The following HFE variants were observed in gnomAD, a reference collection of about 807,000 sequenced individuals.
The protein encoded by HFE is homeostatic iron regulator.
Under a neutral mutation model 40.9 loss-of-function variants are expected in HFE, and 36 were observed. That is an observed-to-expected ratio of 0.88 (90% confidence interval 0.67 to 1.16). The LOEUF (loss-of-function observed/expected upper bound fraction) is 1.16, where lower values mean the gene tolerates loss of function less well. Among genes scored for constraint, HFE ranks in the 50% most tolerant of loss-of-function variants. HFE has a pLI of 0.00. For missense variants in HFE, 376 were observed against 432.0 expected, an observed-to-expected ratio of 0.87 and a Z score of 1.15; for synonymous variants, 157 against 165.4, an observed-to-expected ratio of 0.95 and a Z score of 0.39.
Position 26,096,561 on chromosome 6 carries a change from C to T in HFE, c.*2335C>T, listed in dbSNP as rs1763048269. ...GGCAGGTGCTTCAGGATACCATATA[C>T]AGCTCAGAAGTTTCTTCTTTAGGCA... is the stretch of plus-strand genomic sequence containing the variant. On this transcript the variant is annotated 3_prime_UTR_variant, in exon 6 of 6. Coordinates refer to ENST00000357618, the MANE Select transcript of HFE (RefSeq NM_000410.4). 2.2e-6 allele frequency: 1 copy of T among 456,364 alleles called. No homozygotes were observed. The highest frequency in any genetic ancestry group is 2.0e-5 in the African/African-American group (1 of 50,074). 28.3% of individuals were successfully genotyped at this position (456,364 alleles called of 1,614,324 possible).
rs1762931322 is a variant in HFE, at chr6:26,094,520, A to T, written c.*294A>T. The T allele has an allele frequency of 5.7e-6, 4 of 699,676 alleles. No homozygotes were observed. Among genetic ancestry groups the T allele is most frequent in the African/African-American group, 5.3e-5 (3 of 57,024 alleles). 43.3% of individuals were successfully genotyped at this position (699,676 alleles called of 1,614,324 possible). ...CTTCATTTCCTCCGTCACCTCAGAGACATACACCTATGTCATTTCATTTCC... is the reference window on the plus strand; with the variant it reads ...CTTCATTTCCTCCGTCACCTCAGAGTCATACACCTATGTCATTTCATTTCC... On this transcript the variant is annotated 3_prime_UTR_variant, in exon 6 of 6. Coordinates refer to ENST00000357618, the MANE Select transcript of HFE (RefSeq NM_000410.4).
At chr6:26,091,642 G>T in intron 3 of HFE, 53 bp downstream of exon 3, 1 of 1,592,708 alleles carries the variant, frequency 6.3e-7, no homozygotes, top group South Asian at 1.1e-5. Context: ...AGTGGAGGAG[G>T]TTGCAGGGCA....
At chr6:26,087,680 C>G (rs924784199) in intron 1 of HFE, among the ~76,000 whole-genome samples, 164 bp downstream of exon 1, 1 of 152,200 alleles carries the variant, frequency 6.6e-6, no homozygotes, top group Non-Finnish European at 1.5e-5. Flanking sequence ...TGAGGGAGTG[C>G]CTACCACTGA....
In HFE at chr6:26,090,869, G is replaced by C. The variant is rs1762646707; in HGVS notation, c.105G>C (p.Met35Ile). The change falls in exon 2 of 6, where the codon ATG (methionine) becomes ATC (isoleucine). Residue 35 changes from methionine to isoleucine, a missense_variant. Met to Ile is a conservative substitution (Grantham distance 10). This residue lies in a region of HFE where 200 missense variants were observed against 228.5 expected (regional missense o/e 0.88). Coordinates refer to ENST00000357618, the MANE Select transcript of HFE (RefSeq NM_000410.4). ...LRSHSLHYLF[M>I]GASEQDLGLS... is the part of the protein sequence containing the mutation. ...CACACTCTCTGCACTACCTCTTCAT[G>C]GGTGCCTCAGAGCAGGACCTTGGTC... 2.5e-6 allele frequency: 4 copies of C among 1,614,040 alleles called. No individual in the cohort carries two copies. Among genetic ancestry groups the C allele is most frequent in the Non-Finnish European group, 3.4e-6 (4 of 1,180,010 alleles).
rs558896899 is a variant in HFE, at chr6:26,094,396, C to G, written c.*170C>G. ...TGTTCATTTCCTCAAAAAGATTTCCCCATTTAGGTTTCTGAGTTCCTGCAT... is the reference window on the plus strand; with the variant it reads ...TGTTCATTTCCTCAAAAAGATTTCCGCATTTAGGTTTCTGAGTTCCTGCAT... On this transcript the variant is annotated 3_prime_UTR_variant, in exon 6 of 6. Coordinates refer to ENST00000357618, the MANE Select transcript of HFE (RefSeq NM_000410.4). 469 of 735,866 alleles carry G rather than the reference C, an allele frequency of 6.4e-4. 10 individuals are homozygous for G. Among genetic ancestry groups the G allele is most frequent in the South Asian group, 3.8e-3 (258 of 68,250 alleles). The allele number at this position is 735,866 out of a possible 1,614,324, so 45.6% of individuals were successfully genotyped here. A position where few individuals can be genotyped will look rare whatever the true frequency, so the allele number is the denominator to read the frequency against.
chr6:26,089,488 C>T (rs1762525935), intron 1 of HFE, among the ~76,000 whole-genome samples: 1 of 151,962 alleles, frequency 6.6e-6, no homozygotes, highest in Admixed American at 6.6e-5. Context: ...ATGAAGGGAG[C>T]AACAGTAAAA....
Position 26,091,363 on chromosome 6 carries a change from C to T in HFE, c.390C>T (p.Asn130=), listed in dbSNP as rs1438910999. The T allele has an allele frequency of 1.2e-6, 2 of 1,614,062 alleles. No homozygotes were observed. Among genetic ancestry groups the T allele is most frequent in the Non-Finnish European group, 1.7e-6 (2 of 1,180,038 alleles). The change falls in exon 3 of 6, where the codon AAC becomes AAT. Residue 130 remains asparagine, a synonymous_variant. Transcript: ENST00000357618. ...VILGCEMQED[N]STEGYWKYGY... The stretch of plus-strand genomic sequence containing the variant: ...TGGGCTGTGAAATGCAAGAAGACAA[C>T]AGTACCGAGGGCTACTGGAAGTACG...
Position 26,091,109 on chromosome 6 carries a change from G to T in HFE, c.340+5G>T. 3 of 1,614,192 alleles carry T rather than the reference G, an allele frequency of 1.9e-6. No homozygotes were observed. The Middle Eastern group carries it at 4.9e-4, about 266-fold the overall frequency. The stretch of plus-strand genomic sequence containing the variant: ...AAAATCACAACCACAGCAAGGGTAT[G>T]TGGAGAGGGGGCCTCACCTTCCTGA... On this transcript the variant is annotated splice_donor_5th_base_variant and intron_variant, in intron 2 of 5. Coordinates refer to ENST00000357618, the MANE Select transcript of HFE (RefSeq NM_000410.4).
rs1561943808 is a variant in HFE, at chr6:26,094,739, A to G, written c.*513A>G. ...TGTGTTACCCAGTAACTCATCTGTC[A>G]CCAAGCCTTGGGGATTCTTCCATCT... On this transcript the variant is annotated 3_prime_UTR_variant, in exon 6 of 6. Coordinates refer to ENST00000357618, the MANE Select transcript of HFE (RefSeq NM_000410.4). 9.3e-6 allele frequency: 4 copies of G among 432,256 alleles called. No homozygotes were observed. Among genetic ancestry groups the G allele is most frequent in the South Asian group, 7.0e-5 (3 of 42,774 alleles). 26.8% of individuals were successfully genotyped at this position (432,256 alleles called of 1,614,324 possible).
chr6:26,087,940 T>G (rs1166938916), intron 1 of HFE, among the ~76,000 whole-genome samples: 1 of 152,190 alleles, frequency 6.6e-6, no homozygotes, highest in East Asian at 1.9e-4. Flanking sequence ...CCTGAGTGCT[T>G]GCCGAGAAGG....
At position 26,091,487 on chromosome 6, in the gene HFE, C is replaced by T; in HGVS notation, c.514C>T (p.His172Tyr). ...AWPTKLEWERHKIRARQNRAY... is the reference protein window; with the variant it reads ...AWPTKLEWERYKIRARQNRAY... ...GCCCACCAAGCTGGAGTGGGAAAGG[C>T]ACAAGATTCGGGCCAGGCAGAACAG... The change falls in exon 3 of 6, where the codon CAC (histidine) becomes TAC (tyrosine). Residue 172 changes from histidine to tyrosine, a missense_variant. Around this residue, in one of 3 missense-constraint regions of HFE, gnomAD observed 200 missense variants for 228.5 expected, o/e 0.88. Transcript: ENST00000357618. 6.2e-7 allele frequency: 1 copy of T among 1,614,174 alleles called. No homozygotes were observed. Among genetic ancestry groups the T allele is most frequent in the Admixed American group, 1.7e-5 (1 of 60,020 alleles).
In HFE at chr6:26,094,131, G is replaced by A. The variant is rs940947671; in HGVS notation, c.1007-55G>A. ...GAGGAAAATAAGGAAGAGAGAAGAG[G>A]CAAGATGGTGCCTAGGTTTGTGATG... On this transcript the variant is annotated intron_variant, in intron 5 of 5. Transcript: ENST00000357618. 9.1e-6 allele frequency: 14 copies of A among 1,545,562 alleles called. No homozygotes were observed. The East Asian group carries it at 3.1e-4, about 35-fold the overall frequency.
At position 26,091,017 on chromosome 6, in the gene HFE, C is replaced by T; in HGVS notation, c.253C>T (p.Leu85=). 6.2e-7 allele frequency: 1 copy of T among 1,614,190 alleles called. No individual in the cohort carries two copies. Among genetic ancestry groups the T allele is most frequent in the African/African-American group, 1.3e-5 (1 of 75,062 alleles). Residue 85 remains leucine (L), a synonymous_variant, in exon 2 of 6, where the codon CTG becomes TTG. Transcript: ENST00000357618. ...VSSRISSQMW[L]QLSQSLKGWD... ...CAGTAGAATTTCAAGCCAGATGTGGCTGCAGCTGAGTCAGAGTCTGAAAGG... is the reference window on the plus strand; with the variant it reads ...CAGTAGAATTTCAAGCCAGATGTGGTTGCAGCTGAGTCAGAGTCTGAAAGG...
rs373610457 is a variant in HFE at position 26,094,527 on chromosome 6, C to A, written c.*301C>A. The A allele has an allele frequency of 8.8e-6, 6 of 681,298 alleles. No individual in the cohort carries two copies. Among genetic ancestry groups the A allele is most frequent in the Admixed American group, 4.4e-5 (2 of 45,634 alleles). 42.2% of individuals were successfully genotyped at this position (681,298 alleles called of 1,614,324 possible). A position where few individuals can be genotyped will look rare whatever the true frequency, so the allele number is the denominator to read the frequency against. ...TCCTCCGTCACCTCAGAGACATACA[C>A]CTATGTCATTTCATTTCCTATTTTT... On this transcript the variant is annotated 3_prime_UTR_variant, in exon 6 of 6. Transcript: ENST00000357618.
In HFE at chr6:26,093,215, G is replaced by C. The variant is rs111033558; in HGVS notation, c.989G>C (p.Arg330Thr). ...ATTGGAATTTTGTTCATAATATTAAGGAAGAGGCAGGGTTCAAGTGAGTAG... is the reference window on the plus strand; with the variant it reads ...ATTGGAATTTTGTTCATAATATTAACGAAGAGGCAGGGTTCAAGTGAGTAG... ...LFIGILFIIL[R>T]KRQGSRGAMG... Residue 330 changes from arginine (R) to threonine (T), a missense_variant, in exon 5 of 6, where the codon AGG (arginine) becomes ACG (threonine). This residue lies in a region of HFE where 173 missense variants were observed against 186.9 expected (regional missense o/e 0.93). Transcript: ENST00000357618. 6.2e-7 allele frequency: 1 copy of C among 1,612,782 alleles called. No individual in the cohort carries two copies. Among genetic ancestry groups the C allele is most frequent in the Non-Finnish European group, 8.5e-7 (1 of 1,178,800 alleles).
In HFE at chr6:26,097,031, C is replaced by T. The variant is rs1361889438; in HGVS notation, c.*2805C>T. 1 of 174,286 alleles carries T rather than the reference C, an allele frequency of 5.7e-6. No individual in the cohort carries two copies. The highest frequency in any genetic ancestry group is 1.2e-5 in the Non-Finnish European group (1 of 82,046). The allele number at this position is 174,286 out of a possible 1,614,324, so 10.8% of individuals were successfully genotyped here. On this transcript the variant is annotated 3_prime_UTR_variant, in exon 6 of 6. Transcript: ENST00000357618. ...AAGTTGTAAGACATTGGTTATTTTA[C>T]CAGCAAACCATTCTGAAAGCATATG...
Position 26,089,105 on chromosome 6 carries a change from GT to G in HFE, c.76+1590del, listed in dbSNP as rs1429003930. 2.0e-3 allele frequency among the ~76,000 whole-genome samples: 175 copies of G among 87,498 alleles called. 2 individuals carry two copies. Among genetic ancestry groups the G allele is most frequent in the African/African-American group, 7.7e-3 (138 of 17,960 alleles). The allele number at this position is 87,498 out of a possible 152,430, so 57.4% of individuals were successfully genotyped here. On this transcript the variant is annotated intron_variant, in intron 1 of 5. Transcript: ENST00000357618. ...TTCTCAGCACTACTCATGTGTGTGT[GT>G]GTGGGGGGGGGGGGCGGCGTGGGGG...
intron 3 of HFE, 107 bp from the exon 4 acceptor site, chr6:26,092,578 G>A: frequency 6.2e-7 from 1 of 1,606,778 alleles, no homozygotes; most frequent in Non-Finnish European, 8.5e-7. Context: ...GTTTTTTTCT[G>A]AAAAGGGTAT....
chr6:26,091,419 G>T lies in HFE; in HGVS notation c.446G>T (p.Cys149Phe), dbSNP rs774186188. The T allele has an allele frequency of 1.2e-6, 2 of 1,614,184 alleles. No individual in the cohort carries two copies. Among genetic ancestry groups the T allele is most frequent in the South Asian group, 1.1e-5 (1 of 91,086 alleles). The change falls in exon 3 of 6, where the codon TGC (cysteine) becomes TTC (phenylalanine). Residue 149 changes from cysteine (C) to phenylalanine (F), a missense_variant. Transcript: ENST00000357618. ...GYDGQDHLEF[C>F]PDTLDWRAAE... The stretch of plus-strand genomic sequence containing the variant: ...GATGGGCAGGACCACCTTGAATTCT[G>T]CCCTGACACACTGGATTGGAGAGCA...
Sources: allele counts gnomAD v4.1 joint callset (sites outside exome capture counted in the v4.1 genomes callset), GRCh38; gene constraint gnomAD v4.1.1; regional missense constraint gnomAD v4.1.1; transcripts MANE v1.5; gene names NCBI Gene and HGNC (gene_info 2026-07-23, HGNC 2026-07-21).